PDZD2: variants seen among roughly 807,000 people sequenced by gnomAD.
PDZD2 encodes PDZ domain containing 2, also known as PDZ domain-containing protein 2.
In PDZD2, 90 loss-of-function variants were observed where a neutral mutation model predicts 220.7. The ratio of observed to expected loss-of-function variants is 0.41; its 90% CI spans 0.34 to 0.49. The LOEUF is 0.49. Among genes scored for constraint, PDZD2 ranks in the 20% least tolerant of loss-of-function variants. The probability of loss-of-function intolerance (pLI) is 0.28; values close to 1 mark genes in which losing one functional copy is unlikely to be tolerated. For missense variants in PDZD2, 3,174 were observed against 3,608.5 expected (o/e 0.88, Z 3.08); for synonymous variants, 1,375 against 1,450.5 (o/e 0.95, Z 1.18).
chr5:31,898,827 G>GT (rs1741823444), intron 2 of PDZD2, among the ~76,000 whole-genome samples: 13 of 81,052 alleles, frequency 1.6e-4, no homozygotes, highest in African/African-American at 4.0e-4. Flanking sequence ...TTTTTTTTTT[G>GT]TTTTTTTTCT....
intron 1 of PDZD2, among the ~76,000 whole-genome samples, chr5:31,665,649 C>G (rs547827738): frequency 8.6e-6 from 1 of 116,874 alleles, no homozygotes; most frequent in African/African-American, 3.3e-5. Context: ...CCCCCTCCCC[C>G]CCCTCCCTTT....
At chr5:31,885,869 G>A (rs866942950) in intron 2 of PDZD2, among the ~76,000 whole-genome samples, 3 of 151,914 alleles carry the variant, frequency 2.0e-5, no homozygotes, top group Non-Finnish European at 2.9e-5. Flanking sequence ...AGCATTATCC[G>A]TATAGTTTGT....
At chr5:31,961,302 T>C (rs1020833087) in intron 2 of PDZD2, among the ~76,000 whole-genome samples, 1 of 148,360 alleles carries the variant, frequency 6.7e-6, no homozygotes, top group East Asian at 2.0e-4. Context: ...AGGCCGAGGC[T>C]GGCAGTTCAC....
intron 2 of PDZD2, among the ~76,000 whole-genome samples, chr5:31,910,903 C>T (rs1743144291): frequency 6.6e-6 from 1 of 152,098 alleles, no homozygotes; most frequent in South Asian, 2.1e-4. Flanking sequence ...ATTATCTCCC[C>T]TAGGCATAAT....
At chr5:31,661,073 A>G (rs1745743091) in intron 1 of PDZD2, among the ~76,000 whole-genome samples, 1 of 152,204 alleles carries the variant, frequency 6.6e-6, no homozygotes, top group South Asian at 2.1e-4. Context: ...AATTTTCTTC[A>G]TAAGCCACCA....
chr5:32,081,128 C>T (rs1197984573), intron 19 of PDZD2, among the ~76,000 whole-genome samples: 2 of 151,840 alleles, frequency 1.3e-5, no homozygotes, highest in Admixed American at 1.3e-4. Context: ...TGGGTTGCTG[C>T]ATGTCAAGTT....
intron 7 of PDZD2, among the ~76,000 whole-genome samples, chr5:32,041,090 C>CAT (rs1214798226): frequency 1.4e-5 from 2 of 145,414 alleles, no homozygotes; most frequent in African/African-American, 5.2e-5. Flanking sequence ...TCCGGCCGCC[C>CAT]CATCTAGGAA....
At chr5:31,771,399 T>A (rs1159957361) in intron 1 of PDZD2, among the ~76,000 whole-genome samples, 3 of 152,168 alleles carry the variant, frequency 2.0e-5, no homozygotes, top group Admixed American at 1.3e-4. Flanking sequence ...TTTATTAAAG[T>A]CTATTACATC....
intron 2 of PDZD2, among the ~76,000 whole-genome samples, chr5:31,958,281 TCTCA>T (rs1747907650): frequency 6.6e-6 from 1 of 151,182 alleles, no homozygotes; most frequent in African/African-American, 2.4e-5. Flanking sequence ...TGAGACGGAG[TCTCA>T]CTCTTTTGCC....
chr5:31,920,522 AAAGTC>A (rs1246602368), intron 2 of PDZD2, among the ~76,000 whole-genome samples: 7 of 11,426 alleles, frequency 6.1e-4, no homozygotes, highest in South Asian at 7.4e-3. Context: ...AAAAAAAAAA[AAAGTC>A]CAGGCACTCT....
At chr5:31,792,979 C>T (rs1753808493) in intron 1 of PDZD2, among the ~76,000 whole-genome samples, 1 of 151,888 alleles carries the variant, frequency 6.6e-6, no homozygotes, top group African/African-American at 2.4e-5. Flanking sequence ...GCTGGGATTA[C>T]AGGTGTGCGC....
intron 2 of PDZD2, among the ~76,000 whole-genome samples, chr5:31,938,756 G>T (rs1745974071): frequency 6.6e-6 from 1 of 152,078 alleles, no homozygotes; most frequent in Non-Finnish European, 1.5e-5. Flanking sequence ...TGCCCTCTAA[G>T]AAAGCTTACT....
intron 2 of PDZD2, among the ~76,000 whole-genome samples, chr5:31,845,235 G>A (rs1466668840): frequency 6.6e-6 from 1 of 152,196 alleles, no homozygotes; most frequent in East Asian, 1.9e-4. Flanking sequence ...TAGACACTCA[G>A]CCTCTCCTCC....
intron 1 of PDZD2, among the ~76,000 whole-genome samples, chr5:31,721,441 T>C (rs1393643537): frequency 1.3e-5 from 2 of 151,914 alleles, no homozygotes; most frequent in African/African-American, 2.4e-5. Flanking sequence ...AGGTTAGGGC[T>C]TCCAGTAGGA....
At chr5:31,895,800 G>C (rs1459093198) in intron 2 of PDZD2, among the ~76,000 whole-genome samples, 4 of 152,084 alleles carry the variant, frequency 2.6e-5, no homozygotes, top group Non-Finnish European at 5.9e-5. Context: ...CCAAAAGACA[G>C]TGTTATTATG....
chr5:31,739,143 C>T (rs1351427467), intron 1 of PDZD2, among the ~76,000 whole-genome samples: 1 of 152,170 alleles, frequency 6.6e-6, no homozygotes, highest in Admixed American at 6.5e-5. Context: ...ACCTTGGCCT[C>T]CCAATGTGCT....
At chr5:31,952,442 G>T (rs1354604342) in intron 2 of PDZD2, among the ~76,000 whole-genome samples, 1 of 152,194 alleles carries the variant, frequency 6.6e-6, no homozygotes, top group Non-Finnish European at 1.5e-5. Flanking sequence ...GCATAAAAAT[G>T]TACTTTAAAG....
At chr5:32,063,694 T>C (rs534460014) in intron 14 of PDZD2, among the ~76,000 whole-genome samples, 1 of 152,344 alleles carries the variant, frequency 6.6e-6, no homozygotes, top group South Asian at 2.1e-4. Flanking sequence ...GGATACACAA[T>C]TAATTAGAAT....
At chr5:31,640,577 GCCT>G (rs1744911786) in intron 1 of PDZD2, among the ~76,000 whole-genome samples, 1 of 152,192 alleles carries the variant, frequency 6.6e-6, no homozygotes, top group Admixed American at 6.5e-5. Flanking sequence ...GACCTTCAGG[GCCT>G]GTTCTCCAGT....
Sources: gnomAD v4.1 joint callset for allele counts (sites outside exome capture counted in the v4.1 genomes callset) on GRCh38, gnomAD v4.1.1 for gene constraint, MANE v1.5 for transcripts, NCBI Gene and HGNC (gene_info 2026-07-23, HGNC 2026-07-21) for gene names.